GPC5: variants seen among roughly 807,000 people sequenced by gnomAD.
The protein encoded by GPC5 is glypican 5, also known as glypican-5.
A neutral mutation model predicts 53.9 loss-of-function variants in GPC5; 47 were observed. That is an observed-to-expected ratio of 0.87 (90% CI 0.69 to 1.11). The LOEUF (loss-of-function observed/expected upper bound fraction) is 1.11. Ranked by LOEUF, GPC5 falls within the 50% of genes most tolerant of loss-of-function variation. The pLI is 0.00. For synonymous variants in GPC5, 286 were observed against 263.3 expected, an observed-to-expected ratio of 1.09 and a Z score of -0.84; for missense variants, 748 against 713.1, an observed-to-expected ratio of 1.05 and a Z score of -0.56.
At chr13:92,849,436 C>G (rs1878717938) in intron 7 of GPC5, among the ~76,000 whole-genome samples, 1 of 152,138 alleles carries the variant, frequency 6.6e-6, no homozygotes, top group Non-Finnish European at 1.5e-5. Flanking sequence ...TAATAAGCAT[C>G]ACAATCTCTC....
chr13:91,744,494 A>C (rs1164574391), intron 4 of GPC5, among the ~76,000 whole-genome samples: 2 of 152,202 alleles, frequency 1.3e-5, no homozygotes, highest in Non-Finnish European at 2.9e-5. Context: ...AAAGATATGG[A>C]GGATCTGAAA....
At chr13:92,672,522 C>T (rs1886786430) in intron 7 of GPC5, among the ~76,000 whole-genome samples, 1 of 152,102 alleles carries the variant, frequency 6.6e-6, no homozygotes, top group Non-Finnish European at 1.5e-5. Flanking sequence ...ACCCAGCAAT[C>T]CCATACTGGG....
intron 7 of GPC5, among the ~76,000 whole-genome samples, chr13:92,845,274 G>T (rs190770235): frequency 9.3e-4 from 142 of 152,254 alleles, no homozygotes; most frequent in South Asian, 1.2e-3. Context: ...GAGAAACGCT[G>T]ACTTGACATG....
At chr13:92,529,589 T>C (rs995813385) in intron 7 of GPC5, among the ~76,000 whole-genome samples, 1 of 152,166 alleles carries the variant, frequency 6.6e-6, no homozygotes, top group Non-Finnish European at 1.5e-5. Flanking sequence ...GCAAGTAACC[T>C]GCTATTTAGC....
intron 7 of GPC5, among the ~76,000 whole-genome samples, chr13:92,338,747 A>T (rs1302162244): frequency 6.6e-6 from 1 of 152,090 alleles, no homozygotes; most frequent in African/African-American, 2.4e-5. Context: ...AGCAGGAGGG[A>T]TGAAAGATGG....
At chr13:91,399,879 T>C (rs1876796430) in intron 1 of GPC5, among the ~76,000 whole-genome samples, 1 of 152,140 alleles carries the variant, frequency 6.6e-6, no homozygotes, top group Non-Finnish European at 1.5e-5. Flanking sequence ...AAACCGAACG[T>C]ACTGGGGAGT....
intron 7 of GPC5, among the ~76,000 whole-genome samples, chr13:92,638,085 G>C (rs1885468473): frequency 6.6e-6 from 1 of 152,176 alleles, no homozygotes; most frequent in Non-Finnish European, 1.5e-5. Flanking sequence ...GAGAACATCA[G>C]TGGGATAACT....
At chr13:91,853,350 G>A (rs2038934497) in intron 5 of GPC5, among the ~76,000 whole-genome samples, 1 of 151,812 alleles carries the variant, frequency 6.6e-6, no homozygotes. Context: ...TAGTTGATAT[G>A]GCAAATACAT....
chr13:92,475,001 G>A (rs528149004), intron 7 of GPC5, among the ~76,000 whole-genome samples: 102 of 152,180 alleles, frequency 6.7e-4, no homozygotes, highest in African/African-American at 2.2e-3. Context: ...TGAAGGAAAT[G>A]AGTACAATTA....
At chr13:91,600,519 T>C (rs2033148183) in intron 2 of GPC5, among the ~76,000 whole-genome samples, 1 of 152,114 alleles carries the variant, frequency 6.6e-6, no homozygotes, top group South Asian at 2.1e-4. Context: ...ACAATTTTTA[T>C]TTTTCAATTA....
chr13:92,055,314 C>G (rs1055900239), intron 6 of GPC5, among the ~76,000 whole-genome samples: 1 of 152,048 alleles, frequency 6.6e-6, no homozygotes, highest in Non-Finnish European at 1.5e-5. Context: ...GAAATGAGCT[C>G]TAGTCCCAAT....
At chr13:92,394,841 T>C (rs769739932) in intron 7 of GPC5, among the ~76,000 whole-genome samples, 9 of 152,234 alleles carry the variant, frequency 5.9e-5, no homozygotes, top group Non-Finnish European at 1.2e-4. Flanking sequence ...TGTTAGTTTA[T>C]GGATATAATC....
intron 6 of GPC5, among the ~76,000 whole-genome samples, chr13:92,028,678 A>G (rs2040818916): frequency 6.6e-6 from 1 of 152,192 alleles, no homozygotes; most frequent in Non-Finnish European, 1.5e-5. Flanking sequence ...CTTCTACCTT[A>G]AAACAAAGTT....
At chr13:91,827,027 G>C (rs928132887) in intron 5 of GPC5, among the ~76,000 whole-genome samples, 4 of 151,724 alleles carry the variant, frequency 2.6e-5, no homozygotes, top group African/African-American at 9.7e-5. Context: ...AGCATAATAG[G>C]GTGAATTTAA....
intron 7 of GPC5, among the ~76,000 whole-genome samples, chr13:92,833,537 T>C (rs1878121449): frequency 6.6e-6 from 1 of 152,220 alleles, no homozygotes; most frequent in African/African-American, 2.4e-5. Flanking sequence ...TTTTTCTTTA[T>C]CCTCTGCACT....
chr13:92,508,765 G>T (rs1035567813), intron 7 of GPC5, among the ~76,000 whole-genome samples: 1 of 152,122 alleles, frequency 6.6e-6, no homozygotes, highest in African/African-American at 2.4e-5. Flanking sequence ...AGTCATAGAG[G>T]TAAAACAATT....
At chr13:92,291,299 C>T (rs1226516054) in intron 7 of GPC5, among the ~76,000 whole-genome samples, 2 of 152,208 alleles carry the variant, frequency 1.3e-5, no homozygotes, top group Admixed American at 6.5e-5. Flanking sequence ...GTGAAGCCAG[C>T]TGGGCTCCTG....
chr13:92,747,006 C>T (rs991219859), intron 7 of GPC5, among the ~76,000 whole-genome samples: 6 of 152,032 alleles, frequency 3.9e-5, no homozygotes, highest in African/African-American at 1.4e-4. Flanking sequence ...CATTACATAG[C>T]GCAGGCAATT....
At chr13:92,386,240 A>G (rs1874716918) in intron 7 of GPC5, among the ~76,000 whole-genome samples, 1 of 152,026 alleles carries the variant, frequency 6.6e-6, no homozygotes, top group African/African-American at 2.4e-5. Context: ...TGCTGTTCTT[A>G]AAGTATAATA....
Sources: gnomAD v4.1 joint callset for allele counts (sites outside exome capture counted in the v4.1 genomes callset) on GRCh38, gnomAD v4.1.1 for gene constraint, MANE v1.5 for transcripts, NCBI Gene and HGNC (gene_info 2026-07-23, HGNC 2026-07-21) for gene names.